BLTP3B: variants seen among roughly 807,000 people sequenced by gnomAD.
BLTP3B encodes the protein UHRF1 (ICBP90) binding protein 1-like.
At chr12:100,107,070 C>T in the BLTP3B span, among the ~76,000 whole-genome samples, 1 of 151,948 alleles carries the variant, frequency 6.6e-6, no homozygotes, top group South Asian at 2.1e-4. Flanking sequence ...GGTGGTGGAT[C>T]ACCTGTCAGG....
chr12:100,042,659 G>C, the BLTP3B span, among the ~76,000 whole-genome samples: 3 of 152,318 alleles, frequency 2.0e-5, no homozygotes, highest in African/African-American at 7.2e-5. Flanking sequence ...GTTGAACACT[G>C]TTGTCTTAAG....
the BLTP3B span, chr12:100,058,981 T>G: frequency 6.2e-7 from 1 of 1,614,138 alleles, no homozygotes; most frequent in Non-Finnish European, 8.5e-7. Context: ...AAGAGCTTCT[T>G]CCGCTTCAAT....
At chr12:100,095,683 G>A in the BLTP3B span, 1 of 1,612,502 alleles carries the variant, frequency 6.2e-7, no homozygotes, top group South Asian at 1.1e-5. Flanking sequence ...AGGTTCAGGA[G>A]CCATACTCTT....
the BLTP3B span, chr12:100,083,190 T>C: frequency 7.9e-7 from 1 of 1,266,294 alleles, no homozygotes; most frequent in South Asian, 1.2e-5. Context: ...TAACAGTCAC[T>C]CTTTTATTAT....
the BLTP3B span, among the ~76,000 whole-genome samples, chr12:100,062,369 TA>T: frequency 2.6e-5 from 4 of 152,246 alleles, no homozygotes; most frequent in African/African-American, 4.8e-5. Flanking sequence ...TAAGAGATTA[TA>T]AAAGTTGGAT....
At chr12:100,085,619 A>G in the BLTP3B span, among the ~76,000 whole-genome samples, 1 of 152,220 alleles carries the variant, frequency 6.6e-6, no homozygotes, top group Admixed American at 6.5e-5. Flanking sequence ...TGTGAACAGA[A>G]AAACTTTACC....
the BLTP3B span, among the ~76,000 whole-genome samples, chr12:100,100,727 ATTTT>A: frequency 6.9e-6 from 1 of 144,924 alleles, no homozygotes; most frequent in South Asian, 2.2e-4. Context: ...TTCACATTCT[ATTTT>A]TTTTTTTTTT....
the BLTP3B span, among the ~76,000 whole-genome samples, chr12:100,139,997 T>C: frequency 6.6e-6 from 1 of 152,182 alleles, no homozygotes. Context: ...AACTAGTATG[T>C]TCAACTATTT....
chr12:100,044,501 C>A, the BLTP3B span, among the ~76,000 whole-genome samples: 3 of 152,174 alleles, frequency 2.0e-5, no homozygotes, highest in Non-Finnish European at 2.9e-5. Flanking sequence ...CTGACTCATG[C>A]TCTTTCCACT....
the BLTP3B span, chr12:100,108,502 T>C: frequency 6.2e-7 from 1 of 1,613,278 alleles, no homozygotes; most frequent in Non-Finnish European, 8.5e-7. Context: ...CCTTCTCCTT[T>C]AAGGGTACTT....
the BLTP3B span, among the ~76,000 whole-genome samples, chr12:100,052,790 G>GTTTTTTTTTTT: frequency 8.7e-6 from 1 of 114,340 alleles, no homozygotes; most frequent in Non-Finnish European, 1.8e-5. Context: ...TTTCTTTTCT[G>GTTTTTTTTTTT]TTTTTTTTTT....
At chr12:100,105,489 T>C in the BLTP3B span, among the ~76,000 whole-genome samples, 4 of 152,148 alleles carry the variant, frequency 2.6e-5, no homozygotes, top group Non-Finnish European at 5.9e-5. Context: ...GATAGCCACA[T>C]GTAGAAGAAT....
chr12:100,037,387 G>T, the BLTP3B span: 1 of 1,176,288 alleles, frequency 8.5e-7, no homozygotes, highest in Non-Finnish European at 1.0e-6. Context: ...TACACTATGT[G>T]TTGACTTCCC....
the BLTP3B span, among the ~76,000 whole-genome samples, chr12:100,055,815 T>C: frequency 6.6e-6 from 1 of 152,134 alleles, no homozygotes; most frequent in Non-Finnish European, 1.5e-5. Flanking sequence ...TAAGCACTTA[T>C]ACCTCACAGG....
chr12:100,059,138 T>C, the BLTP3B span: 1 of 1,614,134 alleles, frequency 6.2e-7, no homozygotes, highest in Non-Finnish European at 8.5e-7. Flanking sequence ...TTATTGGCCG[T>C]CCTTTTCCAC....
At chr12:100,125,140 C>T in the BLTP3B span, among the ~76,000 whole-genome samples, 43,550 of 147,686 alleles carry the variant, frequency 0.29, 9,677 homozygotes, top group African/African-American at 0.63. Flanking sequence ...CAGATAAGCC[C>T]GGCCAACATG....
chr12:100,097,393 G>A, the BLTP3B span: 1 of 1,612,150 alleles, frequency 6.2e-7, no homozygotes, highest in Non-Finnish European at 8.5e-7. Context: ...TCTGATTTTT[G>A]ATTGGTTGGT....
At chr12:100,042,319 A>C in the BLTP3B span, among the ~76,000 whole-genome samples, 3 of 151,754 alleles carry the variant, frequency 2.0e-5, no homozygotes, top group African/African-American at 7.2e-5. Context: ...CAAAAGAGTC[A>C]AAAAAAAATC....
the BLTP3B span, among the ~76,000 whole-genome samples, chr12:100,088,196 G>T: frequency 2.0e-5 from 3 of 152,132 alleles, no homozygotes; most frequent in Non-Finnish European, 4.4e-5. Context: ...TAACTCTATT[G>T]TTTAAAGGTC....
Sources: gnomAD v4.1 joint callset for allele counts (sites outside exome capture counted in the v4.1 genomes callset) on GRCh38, gnomAD v4.1.1 for gene constraint, MANE v1.5 for transcripts, NCBI Gene and HGNC (gene_info 2026-07-23, HGNC 2026-07-21) for gene names.